The following PTPRR variants were observed in gnomAD, a reference collection of about 807,000 sequenced individuals.
PTPRR encodes the protein receptor-type tyrosine-protein phosphatase R.
In PTPRR, 38 loss-of-function variants were observed where a neutral mutation model predicts 77.2. That is an observed-to-expected ratio of 0.49 (90% CI 0.38 to 0.65). The LOEUF (loss-of-function observed/expected upper bound fraction) is 0.65. Ranked by LOEUF, PTPRR falls within the 30% of genes least tolerant of loss-of-function variation. The pLI, the probability that PTPRR is intolerant of heterozygous loss-of-function variation, is 0.00. For synonymous variants in PTPRR, 299 were observed against 283.1 expected (o/e 1.06, Z -0.57); for missense variants, 744 against 799.2 (o/e 0.93, Z 0.83).
At chr12:70,884,011 C>T (rs1893192853) in intron 2 of PTPRR, among the ~76,000 whole-genome samples, 1 of 152,196 alleles carries the variant, frequency 6.6e-6, no homozygotes, top group Non-Finnish European at 1.5e-5. Context: ...TGGATATCTC[C>T]CAGGTCTAAA....
At chr12:70,788,686 C>A in intron 2 of PTPRR, 1 of 712,902 alleles carries the variant, frequency 1.4e-6, no homozygotes, top group South Asian at 1.6e-5. Context: ...CTAGATATCA[C>A]ATAAGTTCTA....
chr12:70,698,476 T>C, intron 7 of PTPRR, 127 bp from the exon 8 acceptor site: 2 of 679,526 alleles, frequency 2.9e-6, no homozygotes, highest in Non-Finnish European at 5.0e-6. Context: ...ATCTAGCACC[T>C]CTGGTGGACC....
At chr12:70,828,308 C>T (rs374815090) in intron 2 of PTPRR, among the ~76,000 whole-genome samples, 1 of 152,192 alleles carries the variant, frequency 6.6e-6, no homozygotes, top group Admixed American at 6.5e-5. Context: ...GGGAACTTCT[C>T]ACTTGTCGTT....
At chr12:70,698,219 C>T in intron 8 of PTPRR, 46 bp downstream of exon 8, 1 of 1,530,608 alleles carries the variant, frequency 6.5e-7, no homozygotes, top group Non-Finnish European at 9.0e-7. Context: ...GGCTATCCCT[C>T]CCCTTGCCCC....
At chr12:70,698,860 G>T (rs1453831271) in intron 7 of PTPRR, among the ~76,000 whole-genome samples, 1 of 151,692 alleles carries the variant, frequency 6.6e-6, no homozygotes, top group Non-Finnish European at 1.5e-5. Flanking sequence ...ACTTTTTTTT[G>T]AATTAAGAAA....
chr12:70,738,771 G>A (rs1322125827), intron 6 of PTPRR, among the ~76,000 whole-genome samples: 2 of 152,184 alleles, frequency 1.3e-5, no homozygotes, highest in Admixed American at 1.3e-4. Flanking sequence ...AGACAAGAGG[G>A]AACATGAACT....
intron 1 of PTPRR, among the ~76,000 whole-genome samples, chr12:70,893,238 A>C (rs1893369671): frequency 6.6e-6 from 1 of 150,680 alleles, no homozygotes. Context: ...TTCTGATGCC[A>C]CTTTTACTAA....
At chr12:70,646,967 C>A (rs1209864295) in intron 13 of PTPRR, among the ~76,000 whole-genome samples, 1 of 151,686 alleles carries the variant, frequency 6.6e-6, no homozygotes, top group Non-Finnish European at 1.5e-5. Flanking sequence ...AAAAGAAAAT[C>A]ATCGAACTGA....
chr12:70,740,372 CTT>C lies in PTPRR; in HGVS notation c.1007+5444_1007+5445del, dbSNP rs35415869. Among the ~76,000 whole-genome samples, 127 of 146,710 alleles carry C rather than the reference CTT, an allele frequency of 8.7e-4. No individual in the cohort carries two copies. In the Middle Eastern group the frequency reaches 0.014, roughly 16 times the overall value. ...AAGAAGACTGAATTGCTATGTTTCT[CTT>C]TTTTTTTTTTCTTTTTGAGACAGGG... On this transcript the variant is annotated intron_variant, in intron 6 of 13. Transcript: ENST00000283228.
At chr12:70,840,279 C>A (rs1309523170) in intron 2 of PTPRR, among the ~76,000 whole-genome samples, 1 of 152,070 alleles carries the variant, frequency 6.6e-6, no homozygotes, top group Admixed American at 6.6e-5. Context: ...TCTCCAAAGC[C>A]AGAATAGCCT....
intron 2 of PTPRR, among the ~76,000 whole-genome samples, chr12:70,789,423 G>A (rs191879959): frequency 1.3e-5 from 2 of 151,890 alleles, no homozygotes; most frequent in African/African-American, 4.8e-5. Context: ...AGAAACAAGG[G>A]TTATTATTAA....
chr12:70,649,106 CA>C (rs1387582490), intron 13 of PTPRR, among the ~76,000 whole-genome samples: 3 of 152,140 alleles, frequency 2.0e-5, no homozygotes, highest in Non-Finnish European at 2.9e-5. Context: ...TGAACCAGAC[CA>C]TTTGAATTTA....
intron 2 of PTPRR, among the ~76,000 whole-genome samples, chr12:70,831,346 C>T (rs1946359410): frequency 6.6e-6 from 1 of 152,034 alleles, no homozygotes; most frequent in African/African-American, 2.4e-5. Context: ...TATTTTGAAC[C>T]CAGCAGTCTT....
At chr12:70,718,177 C>T (rs10879187) in intron 6 of PTPRR, among the ~76,000 whole-genome samples, 31,137 of 151,884 alleles carry the variant, frequency 0.21, 3,604 homozygotes, top group East Asian at 0.38. Context: ...TCTTGTCTGC[C>T]GAACATTTGA....
intron 1 of PTPRR, among the ~76,000 whole-genome samples, chr12:70,919,652 G>T (rs961030208): frequency 1.3e-4 from 17 of 134,252 alleles, no homozygotes; most frequent in Non-Finnish European, 2.6e-4. Context: ...ACCCAGGGTT[G>T]TCAGCTTTGG....
chr12:70,891,395 C>A (rs1258130009), intron 2 of PTPRR, among the ~76,000 whole-genome samples: 3 of 152,034 alleles, frequency 2.0e-5, no homozygotes, highest in Non-Finnish European at 4.4e-5. Flanking sequence ...TCTCCAGATA[C>A]AGAGACATCA....
chr12:70,843,671 C>A (rs1219009874), intron 2 of PTPRR, among the ~76,000 whole-genome samples: 2 of 151,962 alleles, frequency 1.3e-5, no homozygotes, highest in Non-Finnish European at 2.9e-5. Flanking sequence ...TGCTAATTAT[C>A]TTTGTTATTG....
At chr12:70,837,674 C>T (rs1327269071) in intron 2 of PTPRR, among the ~76,000 whole-genome samples, 3 of 152,132 alleles carry the variant, frequency 2.0e-5, no homozygotes, top group South Asian at 2.1e-4. Flanking sequence ...GAAACCTCCA[C>T]ATGTTCAGCT....
intron 6 of PTPRR, among the ~76,000 whole-genome samples, chr12:70,731,966 T>G (rs1889678411): frequency 6.6e-6 from 1 of 152,110 alleles, no homozygotes; most frequent in Non-Finnish European, 1.5e-5. Context: ...ATGTATCGGA[T>G]GGGAGAAGAG....
Sources: gnomAD v4.1 joint callset for allele counts (sites outside exome capture counted in the v4.1 genomes callset) on GRCh38, gnomAD v4.1.1 for gene constraint, MANE v1.5 for transcripts, NCBI Gene and HGNC (gene_info 2026-07-23, HGNC 2026-07-21) for gene names.